The following HRH1 variants were observed in gnomAD, a reference collection of about 807,000 sequenced individuals.
The protein encoded by HRH1 is histamine receptor H1.
Under a neutral mutation model 10.3 loss-of-function variants are expected in HRH1, and 6 were observed. The ratio of observed to expected loss-of-function variants is 0.58; its 90% CI spans 0.32 to 1.15. The LOEUF (loss-of-function observed/expected upper bound fraction) is 1.15. Ranked by LOEUF, HRH1 falls within the 50% of genes most tolerant of loss-of-function variation. The probability of loss-of-function intolerance (pLI) is 0.05; values close to 1 mark genes in which losing one functional copy is unlikely to be tolerated. For missense variants in HRH1, 514 were observed against 615.3 expected (o/e 0.84, Z 1.74); for synonymous variants, 242 against 236.7 (o/e 1.02, Z -0.21).
chr3:11,225,440 T>A (rs763330254), intron 1 of HRH1, among the ~76,000 whole-genome samples: 5 of 152,204 alleles, frequency 3.3e-5, no homozygotes, highest in Non-Finnish European at 7.3e-5. Flanking sequence ...TCTCAAACTC[T>A]GATCTGGCAG....
At chr3:11,155,912 T>G (rs921415585) in intron 1 of HRH1, among the ~76,000 whole-genome samples, 1 of 152,174 alleles carries the variant, frequency 6.6e-6, no homozygotes, top group African/African-American at 2.4e-5. Context: ...ATTGAACAGA[T>G]AGTCTACTGA....
At chr3:11,150,757 C>T (rs756408738), upstream of HRH1, among the ~76,000 whole-genome samples, 12 of 152,208 alleles carry the variant, frequency 7.9e-5, no homozygotes, top group Non-Finnish European at 1.6e-4. Context: ...TTCCTCTCCC[C>T]GGGCCTTCCT....
intron 1 of HRH1, among the ~76,000 whole-genome samples, chr3:11,137,695 G>C (rs1936210129): frequency 6.6e-6 from 1 of 152,140 alleles, no homozygotes; most frequent in African/African-American, 2.4e-5. Context: ...CTGAGTTATT[G>C]ATTGAGTCCT....
rs1939980380 is a variant in HRH1, at chr3:11,262,455, A to G, written c.*1954A>G. Reference sequence around the variant, plus strand: ...TCAAAAGGATTTACTTTTTGTAAAAAGCTTCATTCTCACTCTGCTTTGCAT... The same window carrying G: ...TCAAAAGGATTTACTTTTTGTAAAAGGCTTCATTCTCACTCTGCTTTGCAT... On this transcript the variant is annotated 3_prime_UTR_variant, in exon 2 of 2. Coordinates refer to ENST00000431010, the MANE Select transcript of HRH1 (RefSeq NM_001098212.2). 6.0e-6 allele frequency: 1 copy of G among 167,132 alleles called. No homozygotes were observed. The highest frequency in any genetic ancestry group is 1.5e-5 in the Non-Finnish European group (1 of 68,126). The allele number at this position is 167,132 out of a possible 1,614,324, so 10.4% of individuals were successfully genotyped here.
At chr3:11,147,943 A>G (rs1936493546) in intron 1 of HRH1, among the ~76,000 whole-genome samples, 1 of 152,104 alleles carries the variant, frequency 6.6e-6, no homozygotes, top group Non-Finnish European at 1.5e-5. Flanking sequence ...GCACTTTGAG[A>G]GGCCAAGGTG....
chr3:11,158,533 G>A (rs190454885), intron 1 of HRH1, among the ~76,000 whole-genome samples: 52 of 152,270 alleles, frequency 3.4e-4, no homozygotes, highest in South Asian at 1.5e-3. Context: ...GAGAGTGGAA[G>A]GTGTAGTATT....
chr3:11,246,720 A>G (rs1939499577), intron 1 of HRH1, among the ~76,000 whole-genome samples: 1 of 152,202 alleles, frequency 6.6e-6, no homozygotes, highest in African/African-American at 2.4e-5. Context: ...TTCTTTAAAC[A>G]AAAAGGAAAA....
upstream of HRH1, among the ~76,000 whole-genome samples, chr3:11,151,069 C>G (rs79518719): frequency 5.2e-3 from 791 of 152,340 alleles, 26 homozygotes; most frequent in Admixed American, 0.035. Context: ...CGGGCTGACT[C>G]TACTCCTTGA....
chr3:11,251,641 G>A (rs1444591887), intron 1 of HRH1, among the ~76,000 whole-genome samples: 1 of 151,984 alleles, frequency 6.6e-6, no homozygotes, highest in African/African-American at 2.4e-5. Flanking sequence ...CTGGGGCATG[G>A]GTTTTTTTCT....
intron 1 of HRH1, among the ~76,000 whole-genome samples, chr3:11,142,197 G>A (rs1044838205): frequency 1.3e-5 from 2 of 152,214 alleles, no homozygotes; most frequent in African/African-American, 2.4e-5. Flanking sequence ...TGGCAGAAAC[G>A]GGTGGAAGAG....
intron 1 of HRH1, among the ~76,000 whole-genome samples, chr3:11,140,271 C>A (rs1321103521): frequency 6.6e-6 from 1 of 152,150 alleles, no homozygotes; most frequent in Non-Finnish European, 1.5e-5. Context: ...TGAAACCCCG[C>A]CCCTCCCCCA....
At chr3:11,241,508 CA>C (rs1421672958) in intron 1 of HRH1, among the ~76,000 whole-genome samples, 1 of 151,984 alleles carries the variant, frequency 6.6e-6, no homozygotes, top group African/African-American at 2.4e-5. Flanking sequence ...ACGCACCAAT[CA>C]GCACTCTGTA....
chr3:11,171,911 G>A (rs111814542), intron 1 of HRH1, among the ~76,000 whole-genome samples: 38 of 152,346 alleles, frequency 2.5e-4, no homozygotes, highest in African/African-American at 8.9e-4. Flanking sequence ...TTCTTTCTGT[G>A]TTCTGTGTTA....
chr3:11,143,477 A>G (rs1023105685), intron 1 of HRH1, among the ~76,000 whole-genome samples: 20 of 152,218 alleles, frequency 1.3e-4, no homozygotes, highest in African/African-American at 4.3e-4. Flanking sequence ...GGGAAAAACA[A>G]CATGGAGCTC....
chr3:11,219,461 C>G (rs1559275941), intron 1 of HRH1, among the ~76,000 whole-genome samples: 1 of 152,084 alleles, frequency 6.6e-6, no homozygotes, highest in East Asian at 1.9e-4. Flanking sequence ...TGCCTGTAAT[C>G]CCAGCACTTT....
chr3:11,210,534 G>C (rs568520107), intron 1 of HRH1, among the ~76,000 whole-genome samples: 1 of 152,306 alleles, frequency 6.6e-6, no homozygotes, highest in East Asian at 1.9e-4. Context: ...GCTCACACCC[G>C]TAATCCCAGC....
At position 11,259,923 on chromosome 3, in the gene HRH1, G is replaced by A. The variant is rs1380517993; in HGVS notation, c.886G>A (p.Glu296Lys). ...TGTCTTCAGCCAAGAGGATGATAGA[G>A]AAGTAGACAAACTCTACTGCTTTCC... ...PVVFSQEDDREVDKLYCFPLD... is the reference protein window; with the variant it reads ...PVVFSQEDDRKVDKLYCFPLD... Residue 296 changes from glutamate to lysine, a missense_variant, in exon 2 of 2, where the codon GAA (glutamate) becomes AAA (lysine). Coordinates refer to ENST00000431010, the MANE Select transcript of HRH1 (RefSeq NM_001098212.2). The surrounding 1 kb of genome is among the most constrained non-coding windows in gnomAD (Gnocchi z 4.6). 6.2e-7 allele frequency: 1 copy of A among 1,614,204 alleles called. No homozygotes were observed. The highest frequency in any genetic ancestry group is 8.5e-7 in the Non-Finnish European group (1 of 1,180,028).
chr3:11,238,239 G>C (rs1421018424), intron 1 of HRH1, among the ~76,000 whole-genome samples: 1 of 152,108 alleles, frequency 6.6e-6, no homozygotes, highest in Non-Finnish European at 1.5e-5. Flanking sequence ...GGGAGGAAAG[G>C]GTTTGATGTA....
At chr3:11,206,934 T>C (rs1268937035) in intron 1 of HRH1, among the ~76,000 whole-genome samples, 1 of 151,494 alleles carries the variant, frequency 6.6e-6, no homozygotes, top group African/African-American at 2.4e-5. Context: ...AGGAGGAGTG[T>C]GGGGAGGTCT....
Sources: gnomAD v4.1 joint callset for allele counts (sites outside exome capture counted in the v4.1 genomes callset) on GRCh38, gnomAD v4.1.1 for gene constraint, Gnocchi (gnomAD v3.1) non-coding constraint, MANE v1.5 for transcripts, NCBI Gene and HGNC (gene_info 2026-07-23, HGNC 2026-07-21) for gene names.